The following MYRIP variants were observed in gnomAD, a reference collection of about 807,000 sequenced individuals.
MYRIP encodes rab effector MyRIP.
In MYRIP, 49 loss-of-function variants were observed where a neutral mutation model predicts 98.0. That is an observed-to-expected ratio of 0.50 (90% confidence interval 0.40 to 0.63). The LOEUF is 0.63. Among genes scored for constraint, MYRIP ranks in the 30% least tolerant of loss-of-function variants. MYRIP has a pLI of 0.00. For missense variants in MYRIP, 1,004 were observed against 1,058.2 expected (o/e 0.95, Z 0.71); for synonymous variants, 404 against 409.5 (o/e 0.99, Z 0.16).
chr3:40,144,386 G>A (rs77339037), intron 3 of MYRIP, among the ~76,000 whole-genome samples: 13,549 of 152,256 alleles, frequency 0.089, 1,275 homozygotes, highest in African/African-American at 0.23. Flanking sequence ...CTAGTGCCAG[G>A]AGTGGTATCC....
chr3:40,224,163 C>A (rs910165074), intron 11 of MYRIP, among the ~76,000 whole-genome samples: 8 of 151,980 alleles, frequency 5.3e-5, no homozygotes, highest in Non-Finnish European at 1.2e-4. Flanking sequence ...CAGAAAGCTT[C>A]GGTTTATATT....
Position 40,167,243 on chromosome 3 carries a change from G to C in MYRIP, c.729+4G>C, listed in dbSNP as rs144535737. The C allele has an allele frequency of 6.8e-6, 11 of 1,613,954 alleles. No individual in the cohort carries two copies. Among genetic ancestry groups the C allele is most frequent in the Admixed American group, 5.0e-5 (3 of 60,006 alleles). On this transcript the variant is annotated splice_donor_region_variant and intron_variant, in intron 7 of 16. Coordinates refer to ENST00000302541, the MANE Select transcript of MYRIP (RefSeq NM_015460.4). ...GGCCACGACAATCCTGCAGAAGGTA[G>C]GTGGGTCCTGGCAGTGGGATGGCTG... is the stretch of plus-strand genomic sequence containing the variant.
At chr3:40,067,296 G>C (rs1948143289) in intron 3 of MYRIP, among the ~76,000 whole-genome samples, 1 of 152,204 alleles carries the variant, frequency 6.6e-6, no homozygotes, top group African/African-American at 2.4e-5. Flanking sequence ...TTGAGCAAAG[G>C]CTGTGTGCAG....
At chr3:40,041,020 CAG>C (rs1947511245) in intron 2 of MYRIP, among the ~76,000 whole-genome samples, 1 of 22,768 alleles carries the variant, frequency 4.4e-5, no homozygotes, top group African/African-American at 1.7e-4. Context: ...ATATTACCAG[CAG>C]AAAAAAAAAA....
chr3:39,908,410 C>G (rs1966922), intron 2 of MYRIP, among the ~76,000 whole-genome samples: 2,984 of 152,232 alleles, frequency 0.02, 45 homozygotes, highest in Middle Eastern at 0.044. Context: ...TTCCTTGCCA[C>G]CTCCAGGGGT....
chr3:39,824,147 A>T (rs554451511), intron 1 of MYRIP, among the ~76,000 whole-genome samples: 1 of 152,302 alleles, frequency 6.6e-6, no homozygotes, highest in Non-Finnish European at 1.5e-5. Flanking sequence ...CCTTTGTCAA[A>T]AATCATCTGG....
chr3:40,210,194 G>T, intron 11 of MYRIP, 101 bp downstream of exon 11: 2 of 1,424,408 alleles, frequency 1.4e-6, no homozygotes. Flanking sequence ...TCCCCAAAGA[G>T]CTCTCTCTAA....
At chr3:39,930,634 C>G (rs1944515568) in intron 2 of MYRIP, among the ~76,000 whole-genome samples, 1 of 151,954 alleles carries the variant, frequency 6.6e-6, no homozygotes, top group Admixed American at 6.6e-5. Context: ...TCTATATTTT[C>G]CTCTAGGAAT....
intron 2 of MYRIP, among the ~76,000 whole-genome samples, chr3:39,911,757 C>A (rs1461023929): frequency 6.6e-6 from 1 of 152,198 alleles, no homozygotes; most frequent in Non-Finnish European, 1.5e-5. Context: ...ATCAGAGTTT[C>A]TTCCTCTCTC....
rs758862622 is a variant in MYRIP, at chr3:39,900,812, T to C, written c.-5T>C. ...GTCTTGTTTCATCATCTGTGTTGAG[T>C]AACCATGGGGAGGAAGCTGGACCTG... On this transcript the variant is annotated 5_prime_UTR_variant, in exon 2 of 17. An upstream open reading frame in the 5' UTR loses its in-frame stop. Transcript: ENST00000302541. 6.2e-7 allele frequency: 1 copy of C among 1,611,612 alleles called. No homozygotes were observed. Among genetic ancestry groups the C allele is most frequent in the Non-Finnish European group, 8.5e-7 (1 of 1,178,256 alleles).
At chr3:39,846,923 C>T (rs993211439) in intron 1 of MYRIP, among the ~76,000 whole-genome samples, 1 of 152,160 alleles carries the variant, frequency 6.6e-6, no homozygotes, top group African/African-American at 2.4e-5. Context: ...CATATGAAAT[C>T]TGAAGGCAGT....
chr3:40,118,557 A>T (rs1371111780), intron 3 of MYRIP, among the ~76,000 whole-genome samples: 1 of 144,006 alleles, frequency 6.9e-6, no homozygotes, highest in Non-Finnish European at 1.5e-5. Flanking sequence ...CCTGGGTTGA[A>T]GGTTTATTTA....
intron 2 of MYRIP, among the ~76,000 whole-genome samples, chr3:40,009,278 C>T (rs1423985807): frequency 6.6e-6 from 1 of 151,220 alleles, no homozygotes; most frequent in African/African-American, 2.4e-5. Flanking sequence ...ACTCTGTCAC[C>T]CAGGCTGGAG....
intron 1 of MYRIP, among the ~76,000 whole-genome samples, chr3:39,868,981 A>T (rs991897098): frequency 1.3e-5 from 2 of 152,258 alleles, no homozygotes; most frequent in Admixed American, 1.3e-4. Context: ...ACAGAATTGA[A>T]AATATTCTGT....
chr3:39,989,984 T>C (rs28498773), intron 2 of MYRIP, among the ~76,000 whole-genome samples: 15,385 of 152,054 alleles, frequency 0.1, 1,354 homozygotes, highest in African/African-American at 0.23. Flanking sequence ...CCCCAAGGAG[T>C]CCAAACGGCT....
At chr3:39,942,136 A>G (rs148464828) in intron 2 of MYRIP, among the ~76,000 whole-genome samples, 16 of 152,244 alleles carry the variant, frequency 1.1e-4, no homozygotes, top group African/African-American at 3.4e-4. Context: ...GTACACCATA[A>G]CAATGTTAGC....
At chr3:39,836,790 C>T (rs1179823303) in intron 1 of MYRIP, among the ~76,000 whole-genome samples, 1 of 152,196 alleles carries the variant, frequency 6.6e-6, no homozygotes, top group African/African-American at 2.4e-5. Context: ...TGAGTAAACA[C>T]ACTTGTGGAT....
chr3:39,894,106 G>A (rs926591688), intron 1 of MYRIP, among the ~76,000 whole-genome samples: 1 of 152,038 alleles, frequency 6.6e-6, no homozygotes, highest in African/African-American at 2.4e-5. Flanking sequence ...TTTTCTTTCA[G>A]TATATTTCTA....
At chr3:39,825,681 A>G (rs959066674) in intron 1 of MYRIP, among the ~76,000 whole-genome samples, 18 of 152,160 alleles carry the variant, frequency 1.2e-4, no homozygotes, top group Non-Finnish European at 2.6e-4. Context: ...TATCAGGGCT[A>G]TGCTGGCCTG....
Sources: allele counts gnomAD v4.1 joint callset (sites outside exome capture counted in the v4.1 genomes callset), GRCh38; gene constraint gnomAD v4.1.1; transcripts MANE v1.5; gene names NCBI Gene and HGNC (gene_info 2026-07-23, HGNC 2026-07-21).